The following RET variants were observed in gnomAD, a reference collection of about 807,000 sequenced individuals.
The protein encoded by RET is proto-oncogene tyrosine-protein kinase receptor Ret.
RET carries 19 observed loss-of-function variants against 118.3 expected under a neutral mutation model. The observed-to-expected ratio is 0.16, with a 90% CI of 0.11 to 0.24. RET has a LOEUF of 0.24. Ranked by LOEUF, RET falls within the 10% of genes least tolerant of loss-of-function variation. The pLI is 1.00. For missense variants in RET, 1,219 were observed against 1,502.1 expected (o/e 0.81, Z 3.12); for synonymous variants, 597 against 644.1 (o/e 0.93, Z 1.11).
intron 1 of RET, among the ~76,000 whole-genome samples, chr10:43,077,763 C>T (rs375438940): frequency 3.9e-5 from 6 of 152,242 alleles, no homozygotes; most frequent in Non-Finnish European, 5.9e-5. Context: ...GAGACGGCTC[C>T]GTCCTGGTTT....
At chr10:43,081,919 C>T (rs537304427) in intron 1 of RET, among the ~76,000 whole-genome samples, 81 of 152,208 alleles carry the variant, frequency 5.3e-4, no homozygotes, top group Non-Finnish European at 8.8e-4. Context: ...GGCTCTGGGA[C>T]ACTTGGCAGC....
intron 5 of RET, among the ~76,000 whole-genome samples, chr10:43,107,001 G>A (rs73252052): frequency 3.3e-5 from 5 of 152,310 alleles, no homozygotes; most frequent in East Asian, 3.9e-4. Context: ...AAGCAGCCCC[G>A]AGCCAGGTCA....
chr10:43,128,509 C>G lies in RET; in HGVS notation c.*240C>G. 1 of 583,782 alleles carries G rather than the reference C, an allele frequency of 1.7e-6. No individual in the cohort carries two copies. The highest frequency in any genetic ancestry group is 3.1e-6 in the Non-Finnish European group (1 of 325,052). The allele number at this position is 583,782 out of a possible 1,614,324, so 36.2% of individuals were successfully genotyped here. A position where few individuals can be genotyped will look rare whatever the true frequency, so the allele number is the denominator to read the frequency against. ...AGAGCTCTGAGTCTTAGTGGTTAAG[C>G]ATTCCTTTCTCTTCAGTGCCCAGCA... On this transcript the variant is annotated 3_prime_UTR_variant, in exon 20 of 20. Coordinates refer to ENST00000355710, the MANE Select transcript of RET (RefSeq NM_020975.6).
In RET at chr10:43,106,776, C is replaced by T. The variant is rs534994793; in HGVS notation, c.1063+205C>T. On this transcript the variant is annotated intron_variant, in intron 5 of 19. Coordinates refer to ENST00000355710, the MANE Select transcript of RET (RefSeq NM_020975.6). This position sits in a 1 kb window ranked among gnomAD's most constrained non-coding sequence, Gnocchi z 5.1. ...ACCAGCAGGGCTTTCACCATGGGAC[C>T]TCTCTCCCTGAGCTGATCCATGGCC... Among the ~76,000 whole-genome samples, 299 of 152,278 alleles carry T rather than the reference C, an allele frequency of 2.0e-3. 1 individual carries two copies. The highest frequency in any genetic ancestry group is 6.6e-3 in the African/African-American group (274 of 41,556).
intron 13 of RET, among the ~76,000 whole-genome samples, chr10:43,118,690 C>T (rs1028612171): frequency 8.5e-5 from 13 of 152,248 alleles, no homozygotes; most frequent in Non-Finnish European, 1.9e-4. Flanking sequence ...AGAGGGGCCC[C>T]GCGCTAGCGG....
chr10:43,126,312 T>C (rs1041315988), intron 18 of RET, among the ~76,000 whole-genome samples: 11 of 152,196 alleles, frequency 7.2e-5, no homozygotes, highest in Non-Finnish European at 1.5e-4. Flanking sequence ...AGCACATTTC[T>C]TTCCCCAGGG....
intron 19 of RET, chr10:43,127,052 T>C: frequency 8.0e-7 from 1 of 1,256,194 alleles, no homozygotes; most frequent in Non-Finnish European, 1.0e-6. Flanking sequence ...AATCAAGTCA[T>C]AGTACTTCTA....
chr10:43,112,303 CT>C, intron 8 of RET, 79 bp downstream of exon 8: 1 of 1,450,234 alleles, frequency 6.9e-7, no homozygotes, highest in Non-Finnish European at 9.1e-7. Flanking sequence ...CCCTGCCAGC[CT>C]GGGGTGGCTC....
chr10:43,114,848 G>A lies in RET; in HGVS notation c.2136+112G>A, dbSNP rs536214996. 4.4e-4 allele frequency: 522 copies of A among 1,174,552 alleles called. 2 individuals carry two copies. The African/African-American group carries it at 6.6e-3, about 15-fold the overall frequency. 72.8% of individuals were successfully genotyped at this position (1,174,552 alleles called of 1,614,324 possible). On this transcript the variant is annotated intron_variant, in intron 11 of 19. Coordinates refer to ENST00000355710, the MANE Select transcript of RET (RefSeq NM_020975.6). The surrounding 1 kb of genome is among the most constrained non-coding windows in gnomAD (Gnocchi z 4.6). ...TCCTGTGAGGGGCTGCCAACGCTGGGCAGACGAGGCCTGTGTTCTGCCCCC... is the reference window on the plus strand; with the variant it reads ...TCCTGTGAGGGGCTGCCAACGCTGGACAGACGAGGCCTGTGTTCTGCCCCC...
chr10:43,111,589 C>T (rs2132781558), intron 7 of RET, 124 bp downstream of exon 7: 1 of 1,086,458 alleles, frequency 9.2e-7, no homozygotes, highest in Non-Finnish European at 1.3e-6. Context: ...AGGCATGGAC[C>T]AGCTTCACCC....
At chr10:43,119,821 A>G in intron 14 of RET, 76 bp downstream of exon 14, 1 of 1,401,768 alleles carries the variant, frequency 7.1e-7, no homozygotes. Flanking sequence ...TGCCACCCAC[A>G]CCCTGGCCTG....
At chr10:43,089,117 AC>A (rs1837356972) in intron 1 of RET, among the ~76,000 whole-genome samples, 1 of 151,958 alleles carries the variant, frequency 6.6e-6, no homozygotes, top group Non-Finnish European at 1.5e-5. Context: ...TGGGCTAGGC[AC>A]TCTCCTCCAT....
intron 12 of RET, among the ~76,000 whole-genome samples, chr10:43,117,262 G>A (rs977725620): frequency 1.1e-4 from 17 of 152,238 alleles, no homozygotes; most frequent in Non-Finnish European, 1.2e-4. Context: ...GCTGAATGGC[G>A]GTGAGGGAGA....
At chr10:43,086,701 T>C (rs1260992822) in intron 1 of RET, among the ~76,000 whole-genome samples, 1 of 152,274 alleles carries the variant, frequency 6.6e-6, no homozygotes, top group Admixed American at 6.5e-5. Flanking sequence ...CAGTTTCCTT[T>C]GCATAGAAGC....
chr10:43,106,567 C>G lies in RET; in HGVS notation c.1059C>G (p.Asp353Glu). 6.2e-7 allele frequency: 1 copy of G among 1,613,428 alleles called. No individual in the cohort carries two copies. Among genetic ancestry groups the G allele is most frequent in the Non-Finnish European group, 8.5e-7 (1 of 1,179,674 alleles). ...NGSFVRATVH[D>E]YRLVLNRNLS... ...GCTTCGTGCGGGCGACCGTACATGA[C>G]TATAGTAAGAGGGGCTGGTGGCACG... The change falls in exon 5 of 20, where the codon GAC becomes GAG. Residue 353 changes from aspartate (D) to glutamate (E), a missense_variant. By Grantham distance (45) the Asp-to-Glu change is conservative (BLOSUM62 2). This residue lies in a region of RET where 850 missense variants were observed against 969.6 expected (regional missense o/e 0.88). Coordinates refer to ENST00000355710, the MANE Select transcript of RET (RefSeq NM_020975.6). This position sits in a 1 kb window ranked among gnomAD's most constrained non-coding sequence, Gnocchi z 5.1.
intron 1 of RET, among the ~76,000 whole-genome samples, chr10:43,091,822 C>CAAA (rs60545334): frequency 5.2e-5 from 6 of 114,572 alleles, no homozygotes; most frequent in Admixed American, 8.8e-5. Context: ...TGTCTACTAT[C>CAAA]AAAAAAAAAA....
At chr10:43,105,463 G>GA (rs1837748984) in intron 4 of RET, among the ~76,000 whole-genome samples, 1 of 152,126 alleles carries the variant, frequency 6.6e-6, no homozygotes, top group Non-Finnish European at 1.5e-5. Context: ...CTGCAGGCGG[G>GA]CGCGGCGCGC....
chr10:43,097,559 A>G (rs1401086387), intron 1 of RET, among the ~76,000 whole-genome samples: 4 of 152,174 alleles, frequency 2.6e-5, no homozygotes, highest in African/African-American at 9.7e-5. Context: ...CATCGGGGCC[A>G]GGGCATCTGG....
rs756269717 is a variant in RET, at chr10:43,129,883, A to G, written c.*1614A>G. 1.3e-5 allele frequency: 5 copies of G among 398,534 alleles called. No individual in the cohort carries two copies. The highest frequency in any genetic ancestry group is 4.4e-5 in the Admixed American group (1 of 22,710). 24.7% of individuals were successfully genotyped at this position (398,534 alleles called of 1,614,324 possible). A position where few individuals can be genotyped will look rare whatever the true frequency, so the allele number is the denominator to read the frequency against. On this transcript the variant is annotated 3_prime_UTR_variant, in exon 20 of 20. Coordinates refer to ENST00000355710, the MANE Select transcript of RET (RefSeq NM_020975.6). ...CAGATACACTGTGATAAGTTCTTTT[A>G]CAAATATCTATAGACATGGTAAACT...
Sources: allele counts gnomAD v4.1 joint callset (sites outside exome capture counted in the v4.1 genomes callset), GRCh38; gene constraint gnomAD v4.1.1; regional missense constraint gnomAD v4.1.1; non-coding constraint Gnocchi (gnomAD v3.1); transcripts MANE v1.5; gene names NCBI Gene and HGNC (gene_info 2026-07-23, HGNC 2026-07-21).